Variants in GRID2 observed in about 807,000 individuals in gnomAD.
GRID2 encodes glutamate ionotropic receptor delta type subunit 2, also known as glutamate receptor ionotropic, delta-2.
Under a neutral mutation model 114.8 loss-of-function variants are expected in GRID2, and 33 were observed. The observed-to-expected ratio is 0.29, with a 90% CI of 0.22 to 0.38. GRID2 has a LOEUF of 0.38. GRID2 is among the 10% of genes least tolerant of loss of function. The pLI is 1.00. For synonymous variants in GRID2, 505 were observed against 449.9 expected (o/e 1.12, Z -1.55); for missense variants, 1,184 against 1,257.7 (o/e 0.94, Z 0.89).
intron 4 of GRID2, among the ~76,000 whole-genome samples, chr4:93,186,411 C>T (rs1740428462): frequency 6.6e-6 from 1 of 152,058 alleles, no homozygotes; most frequent in Non-Finnish European, 1.5e-5. Context: ...TCTGTTGTTT[C>T]CTGACTTTTT....
chr4:92,752,843 T>C (rs1737519956), intron 2 of GRID2, among the ~76,000 whole-genome samples: 1 of 152,332 alleles, frequency 6.6e-6, no homozygotes, highest in Admixed American at 6.5e-5. Context: ...GTACATATAT[T>C]GTTGCAGAAA....
At chr4:93,598,618 A>G (rs1368049465) in intron 13 of GRID2, among the ~76,000 whole-genome samples, 2 of 152,228 alleles carry the variant, frequency 1.3e-5, no homozygotes, top group Non-Finnish European at 2.9e-5. Flanking sequence ...GAAGATTTCC[A>G]TATGAGCAAG....
intron 1 of GRID2, among the ~76,000 whole-genome samples, chr4:92,500,366 T>C (rs1465365634): frequency 6.6e-6 from 1 of 152,108 alleles, no homozygotes; most frequent in Non-Finnish European, 1.5e-5. Context: ...TCTCAGTCTA[T>C]CTACAAAAGT....
At chr4:92,944,540 G>C (rs191888236) in intron 2 of GRID2, among the ~76,000 whole-genome samples, 1 of 152,156 alleles carries the variant, frequency 6.6e-6, no homozygotes, top group Non-Finnish European at 1.5e-5. Context: ...GCGATGCCTC[G>C]CCTTGCTTCA....
At chr4:92,960,719 C>G (rs545738185) in intron 2 of GRID2, among the ~76,000 whole-genome samples, 1 of 151,872 alleles carries the variant, frequency 6.6e-6, no homozygotes, top group African/African-American at 2.4e-5. Context: ...TATATTTATA[C>G]CATGATGTTT....
intron 2 of GRID2, among the ~76,000 whole-genome samples, chr4:92,935,897 T>TG (rs1222524396): frequency 1.9e-4 from 11 of 57,466 alleles, no homozygotes; most frequent in African/African-American, 2.5e-4. Context: ...GGGTGGGGGC[T>TG]GGGGGGAGGG....
chr4:93,418,117 T>C (rs1426426508), intron 9 of GRID2, among the ~76,000 whole-genome samples: 1 of 151,678 alleles, frequency 6.6e-6, no homozygotes, highest in Non-Finnish European at 1.5e-5. Context: ...TGGTTGTAAA[T>C]TTATATATCG....
intron 2 of GRID2, among the ~76,000 whole-genome samples, chr4:93,042,469 T>C (rs927789561): frequency 6.7e-6 from 1 of 148,890 alleles, no homozygotes; most frequent in African/African-American, 2.5e-5. Context: ...CAGGCTTTAC[T>C]AGTGTCTCTG....
intron 8 of GRID2, among the ~76,000 whole-genome samples, chr4:93,242,341 A>G (rs1747628864): frequency 6.6e-6 from 1 of 151,868 alleles, no homozygotes; most frequent in Non-Finnish European, 1.5e-5. Flanking sequence ...ACATGAGGCT[A>G]GAGATCAAGA....
At chr4:92,683,735 G>T (rs1417082877) in intron 2 of GRID2, among the ~76,000 whole-genome samples, 1 of 151,140 alleles carries the variant, frequency 6.6e-6, no homozygotes, top group Non-Finnish European at 1.5e-5. Flanking sequence ...AAATACAAAT[G>T]CATGAAAACA....
intron 2 of GRID2, among the ~76,000 whole-genome samples, chr4:93,082,197 C>A (rs1400421998): frequency 6.6e-6 from 1 of 152,172 alleles, no homozygotes. Flanking sequence ...TGTGTGAGCT[C>A]TTCCTTTCCT....
At chr4:92,542,062 C>T (rs181317394) in intron 1 of GRID2, among the ~76,000 whole-genome samples, 1 of 151,986 alleles carries the variant, frequency 6.6e-6, no homozygotes, top group Non-Finnish European at 1.5e-5. Flanking sequence ...AATGTAATAA[C>T]TGTGGTTCTT....
chr4:93,416,748 T>A (rs1395327221), intron 9 of GRID2, among the ~76,000 whole-genome samples: 4 of 152,116 alleles, frequency 2.6e-5, no homozygotes, highest in Non-Finnish European at 5.9e-5. Flanking sequence ...TGAGATTTTT[T>A]AAGTGACTGA....
chr4:93,048,369 G>A (rs1023862187), intron 2 of GRID2, among the ~76,000 whole-genome samples: 5 of 151,612 alleles, frequency 3.3e-5, no homozygotes, highest in Admixed American at 6.6e-5. Context: ...TTTTCCCTCC[G>A]TTTTTCAGTG....
chr4:93,271,729 A>G (rs1034727511), intron 8 of GRID2, among the ~76,000 whole-genome samples: 4 of 152,216 alleles, frequency 2.6e-5, no homozygotes, highest in African/African-American at 9.6e-5. Flanking sequence ...TTAACCCAGC[A>G]GAAAAAATTT....
chr4:93,243,623 A>G (rs1214382687), intron 8 of GRID2, among the ~76,000 whole-genome samples: 3 of 152,078 alleles, frequency 2.0e-5, no homozygotes, highest in Non-Finnish European at 4.4e-5. Flanking sequence ...TGTACCAAGG[A>G]TTCATAATCC....
chr4:93,732,694 T>G (rs1230134835), intron 14 of GRID2, among the ~76,000 whole-genome samples: 1 of 152,130 alleles, frequency 6.6e-6, no homozygotes, highest in Non-Finnish European at 1.5e-5. Flanking sequence ...GCTGTCAAAA[T>G]CTGATAATAA....
chr4:92,542,679 G>T (rs1726035035), intron 1 of GRID2, among the ~76,000 whole-genome samples: 1 of 151,708 alleles, frequency 6.6e-6, no homozygotes, highest in Non-Finnish European at 1.5e-5. Flanking sequence ...TGGGTACAGG[G>T]TACACTGCCC....
chr4:93,014,460 A>G (rs1722486568), intron 2 of GRID2, among the ~76,000 whole-genome samples: 1 of 152,066 alleles, frequency 6.6e-6, no homozygotes, highest in South Asian at 2.1e-4. Flanking sequence ...AGCATAAAGA[A>G]CCAGGGTGGT....
Sources: gnomAD v4.1 joint callset for allele counts (sites outside exome capture counted in the v4.1 genomes callset) on GRCh38, gnomAD v4.1.1 for gene constraint, MANE v1.5 for transcripts, NCBI Gene and HGNC (gene_info 2026-07-23, HGNC 2026-07-21) for gene names.